Variants in ATP8B1 observed in about 807,000 individuals in gnomAD.
ATP8B1 encodes the protein ATPase phospholipid transporting 8B1, also known as phospholipid-transporting ATPase IC.
In ATP8B1, 80 loss-of-function variants were observed where a neutral mutation model predicts 149.9. The ratio of observed to expected loss-of-function variants is 0.53; its 90% confidence interval spans 0.45 to 0.64. ATP8B1 has a LOEUF of 0.64. Ranked by LOEUF, ATP8B1 falls within the 30% of genes least tolerant of loss-of-function variation. The pLI, the probability that ATP8B1 is intolerant of heterozygous loss-of-function variation, is 0.00. For synonymous variants in ATP8B1, 536 were observed against 562.8 expected (o/e 0.95, Z 0.67); for missense variants, 1,247 against 1,552.6 (o/e 0.80, Z 3.31).
At position 57,685,238 on chromosome 18, in the gene ATP8B1, TTTA is replaced by T. The variant is rs10594129; in HGVS notation, c.1430-126_1430-124del. On this transcript the variant is annotated intron_variant, in intron 13 of 27. Coordinates refer to ENST00000648908, the MANE Select transcript of ATP8B1 (RefSeq NM_001374385.1). ...TATACGGCCTGGACAGGCTAAAATA[TTTA>T]TTATCTGGCACTTTACAGAAAACGT... 847,687 of 1,026,724 alleles carry T rather than the reference TTTA, an allele frequency of 0.83. 355,013 individuals are homozygous for T. The highest frequency in any genetic ancestry group is 0.9 in the Admixed American group (49,504 of 55,230). The allele number at this position is 1,026,724 out of a possible 1,614,324, so 63.6% of individuals were successfully genotyped here. A position where few individuals can be genotyped will look rare whatever the true frequency, so the allele number is the denominator to read the frequency against.
chr18:57,686,683 T>G (rs1912267714), intron 13 of ATP8B1, among the ~76,000 whole-genome samples: 1 of 152,006 alleles, frequency 6.6e-6, no homozygotes. Flanking sequence ...CCTCCCAGAG[T>G]GCTGGGATTA....
intron 24 of ATP8B1, 70 bp from the exon 25 acceptor site, chr18:57,652,799 A>G: frequency 1.2e-6 from 2 of 1,601,774 alleles, no homozygotes; most frequent in South Asian, 1.1e-5. Context: ...GTTATAATTA[A>G]TATCTCACAA....
In ATP8B1 at chr18:57,717,472, C is replaced by T. The variant is rs551438747; in HGVS notation, c.182-10885G>A. ...CTGAGGCAGGAGAATGGCATGAACC[C>T]GGGAGGCGGAGCTTGCAGTAAGCCG... On this transcript the variant is annotated intron_variant, in intron 2 of 27. Coordinates refer to ENST00000648908, the MANE Select transcript of ATP8B1 (RefSeq NM_001374385.1). Among the ~76,000 whole-genome samples, 78 of 129,016 alleles carry T rather than the reference C, an allele frequency of 6.0e-4. 1 individual carries two copies. The highest frequency in any genetic ancestry group is 1.6e-3 in the South Asian group (6 of 3,810). The allele number at this position is 129,016 out of a possible 152,430, so 84.6% of individuals were successfully genotyped here. A position where few individuals can be genotyped will look rare whatever the true frequency, so the allele number is the denominator to read the frequency against.
rs745855521 is a variant in ATP8B1, at chr18:57,684,072, C to T, written c.1594G>A (p.Ala532Thr). The change falls in exon 15 of 28, where the codon GCA (alanine) becomes ACA (threonine). Residue 532 changes from alanine to threonine, a missense_variant. Ala to Thr is a moderately conservative substitution (Grantham distance 58). Transcript: ENST00000648908. ...TCCACCATGACTGTGTGGCAAACTG[C>T]GAGCAAGAAGAAGAACTGTCGTACT... ...PEVRQFFFLLAVCHTVMVDRT... is the reference protein window; with the variant it reads ...PEVRQFFFLLTVCHTVMVDRT... The T allele has an allele frequency of 6.2e-6, 10 of 1,614,068 alleles. No homozygotes were observed. In the Middle Eastern group the frequency reaches 4.9e-4, roughly 80 times the overall value.
intron 2 of ATP8B1, among the ~76,000 whole-genome samples, chr18:57,716,417 T>TAAAA (rs879472357): frequency 1.7e-4 from 24 of 141,434 alleles, no homozygotes; most frequent in African/African-American, 5.4e-4. Flanking sequence ...TGAATAGATT[T>TAAAA]AAAAAAAAAA....
chr18:57,773,224 GAA>G (rs2080279462), intron 1 of ATP8B1, among the ~76,000 whole-genome samples: 1 of 138,930 alleles, frequency 7.2e-6, no homozygotes, highest in Non-Finnish European at 1.6e-5. Flanking sequence ...AAAAAGAAAA[GAA>G]AGAAATGATA....
intron 1 of ATP8B1, among the ~76,000 whole-genome samples, chr18:57,796,719 G>C (rs1054631059): frequency 1.3e-5 from 2 of 152,094 alleles, no homozygotes. Flanking sequence ...ACAGAGTCTC[G>C]CTCTGTCACC....
intron 2 of ATP8B1, among the ~76,000 whole-genome samples, chr18:57,730,234 A>C (rs1004107470): frequency 2.1e-5 from 3 of 143,114 alleles, no homozygotes; most frequent in Non-Finnish European, 4.6e-5. Flanking sequence ...AAGAGAAACT[A>C]GAGGGGGGGT....
chr18:57,689,604 A>G (rs1216154999), intron 12 of ATP8B1, among the ~76,000 whole-genome samples: 3 of 152,206 alleles, frequency 2.0e-5, no homozygotes, highest in Admixed American at 2.0e-4. Context: ...TTCTAGGTGC[A>G]GGGGACATGT....
At chr18:57,696,279 C>T (rs960996583) in intron 8 of ATP8B1, among the ~76,000 whole-genome samples, 2 of 152,136 alleles carry the variant, frequency 1.3e-5, no homozygotes, top group African/African-American at 2.4e-5. Context: ...AACAGTCGGG[C>T]GCCGCGGCTC....
chr18:57,728,926 G>A (rs1187932932), intron 2 of ATP8B1, among the ~76,000 whole-genome samples: 1 of 151,938 alleles, frequency 6.6e-6, no homozygotes, highest in Non-Finnish European at 1.5e-5. Context: ...CACTATGTTG[G>A]CCAGGCTGGT....
chr18:57,716,929 A>G (rs2079588304), intron 2 of ATP8B1, among the ~76,000 whole-genome samples: 1 of 152,142 alleles, frequency 6.6e-6, no homozygotes, highest in African/African-American at 2.4e-5. Context: ...TAAGTCACAG[A>G]ACGAGTCTTA....
intron 22 of ATP8B1, among the ~76,000 whole-genome samples, chr18:57,657,108 C>T (rs1045094987): frequency 6.6e-6 from 1 of 152,056 alleles, no homozygotes; most frequent in South Asian, 2.1e-4. Flanking sequence ...TCCCTCCCCT[C>T]GTCTCCCACT....
At chr18:57,702,483 G>T (rs770984032) in intron 4 of ATP8B1, among the ~76,000 whole-genome samples, 5 of 152,220 alleles carry the variant, frequency 3.3e-5, no homozygotes, top group Non-Finnish European at 7.3e-5. Flanking sequence ...TAGACTAGAA[G>T]AATTAAGTGT....
chr18:57,671,424 G>T (rs317838), intron 17 of ATP8B1, 44 bp downstream of exon 17: 1 of 1,460,746 alleles, frequency 6.8e-7, no homozygotes, highest in Non-Finnish European at 9.6e-7. Context: ...GCATCAGAGA[G>T]TAAGTTCAGA....
intron 2 of ATP8B1, among the ~76,000 whole-genome samples, chr18:57,723,850 T>C (rs1001216802): frequency 6.0e-5 from 9 of 149,166 alleles, no homozygotes; most frequent in African/African-American, 1.7e-4. Context: ...CTTCAAACTA[T>C]ACTACAAGGC....
intron 8 of ATP8B1, among the ~76,000 whole-genome samples, chr18:57,696,180 C>A (rs566828585): frequency 6.6e-6 from 1 of 152,318 alleles, no homozygotes; most frequent in East Asian, 1.9e-4. Context: ...CCTCACCATT[C>A]TGTTCTGGCA....
chr18:57,747,377 C>T (rs1218844487), intron 1 of ATP8B1, among the ~76,000 whole-genome samples: 1 of 151,664 alleles, frequency 6.6e-6, no homozygotes, highest in African/African-American at 2.4e-5. Context: ...TGCTTGAACC[C>T]GGGAGGTGGA....
chr18:57,656,435 C>T (rs548215047), intron 22 of ATP8B1, among the ~76,000 whole-genome samples: 3 of 148,890 alleles, frequency 2.0e-5, no homozygotes, highest in African/African-American at 7.4e-5. Flanking sequence ...ACCCAGGCTG[C>T]AGTGCAATGG....
Sources: gnomAD v4.1 joint callset for allele counts (sites outside exome capture counted in the v4.1 genomes callset) on GRCh38, gnomAD v4.1.1 for gene constraint, MANE v1.5 for transcripts, NCBI Gene and HGNC (gene_info 2026-07-23, HGNC 2026-07-21) for gene names.